GALNT10: variants seen among roughly 807,000 people sequenced by gnomAD.
The protein encoded by GALNT10 is GalNAc transferase 10.
In GALNT10, 41 loss-of-function variants were observed where a neutral mutation model predicts 75.0. That is an observed-to-expected ratio of 0.55 (90% CI 0.43 to 0.71). GALNT10 has a LOEUF of 0.71. Ranked by LOEUF, GALNT10 falls within the 30% of genes least tolerant of loss-of-function variation. The pLI is 0.00. For synonymous variants in GALNT10, 302 were observed against 313.0 expected (o/e 0.96, Z 0.37); for missense variants, 727 against 818.5 (o/e 0.89, Z 1.36).
chr5:154,328,030 A>C (rs932270159), intron 3 of GALNT10, among the ~76,000 whole-genome samples: 1 of 151,964 alleles, frequency 6.6e-6, no homozygotes, highest in African/African-American at 2.4e-5. Flanking sequence ...TGCAGACTGC[A>C]GGGACTCCTA....
chr5:154,231,399 G>A (rs1223125000), intron 1 of GALNT10, among the ~76,000 whole-genome samples: 1 of 152,158 alleles, frequency 6.6e-6, no homozygotes, highest in East Asian at 1.9e-4. Flanking sequence ...CAAGCCCATT[G>A]AATTCAGAAG....
At chr5:154,271,727 CTA>C (rs1753868659) in intron 1 of GALNT10, among the ~76,000 whole-genome samples, 1 of 152,190 alleles carries the variant, frequency 6.6e-6, no homozygotes, top group Admixed American at 6.5e-5. Flanking sequence ...CTTCAGGAAA[CTA>C]AAATGCACAC....
intron 1 of GALNT10, among the ~76,000 whole-genome samples, chr5:154,222,772 A>C (rs1753004046): frequency 6.6e-6 from 1 of 152,164 alleles, no homozygotes; most frequent in Non-Finnish European, 1.5e-5. Flanking sequence ...TATCTGTTAA[A>C]ATCTTTTGCC....
At chr5:154,219,089 G>T (rs1752928571) in intron 1 of GALNT10, among the ~76,000 whole-genome samples, 1 of 152,158 alleles carries the variant, frequency 6.6e-6, no homozygotes, top group Admixed American at 6.5e-5. Flanking sequence ...TGCTGCTCCG[G>T]CCTCTGACCG....
At chr5:154,339,341 A>C (rs1310741298) in intron 4 of GALNT10, among the ~76,000 whole-genome samples, 1 of 152,186 alleles carries the variant, frequency 6.6e-6, no homozygotes, top group Non-Finnish European at 1.5e-5. Context: ...TTGACATCCT[A>C]AACGCTTCTC....
At chr5:154,245,619 A>C (rs1753409694) in intron 1 of GALNT10, among the ~76,000 whole-genome samples, 2 of 151,956 alleles carry the variant, frequency 1.3e-5, no homozygotes, top group Admixed American at 6.6e-5. Context: ...TTCATATATT[A>C]ATACATTAAT....
chr5:154,307,394 G>C (rs554568657), intron 3 of GALNT10, among the ~76,000 whole-genome samples: 1 of 152,148 alleles, frequency 6.6e-6, no homozygotes, highest in Non-Finnish European at 1.5e-5. Flanking sequence ...GCCGAGGTGG[G>C]CAGATCACGA....
chr5:154,328,111 T>C (rs1754784181), intron 3 of GALNT10, among the ~76,000 whole-genome samples: 1 of 149,968 alleles, frequency 6.7e-6, no homozygotes, highest in Admixed American at 6.6e-5. Flanking sequence ...CAGAAGCTTA[T>C]GTATAAAAGA....
intron 4 of GALNT10, among the ~76,000 whole-genome samples, chr5:154,344,209 CTTTTTTTT>C (rs869306243): frequency 2.8e-5 from 1 of 35,510 alleles, no homozygotes; most frequent in African/African-American, 6.9e-5. Flanking sequence ...TTCTTTCTTT[CTTTTTTTT>C]TTTTTTTTGA....
chr5:154,204,771 C>G (rs1775081642), intron 1 of GALNT10, among the ~76,000 whole-genome samples: 1 of 152,232 alleles, frequency 6.6e-6, no homozygotes, highest in Non-Finnish European at 1.5e-5. Context: ...CTTTCCTACC[C>G]ACTCTGCGAC....
intron 2 of GALNT10, among the ~76,000 whole-genome samples, chr5:154,296,050 A>AG (rs1201012353): frequency 1.3e-5 from 2 of 152,120 alleles, no homozygotes; most frequent in Non-Finnish European, 2.9e-5. Context: ...GAAAATGAGA[A>AG]GGGGGAATGG....
At chr5:154,414,643 G>C (rs1284968798) in intron 10 of GALNT10, among the ~76,000 whole-genome samples, 1 of 151,564 alleles carries the variant, frequency 6.6e-6, no homozygotes, top group African/African-American at 2.4e-5. Flanking sequence ...GCGGGGTAAT[G>C]GTATGTTCAT....
At chr5:154,309,503 A>G (rs1192047517) in intron 3 of GALNT10, among the ~76,000 whole-genome samples, 1 of 152,192 alleles carries the variant, frequency 6.6e-6, no homozygotes, top group African/African-American at 2.4e-5. Context: ...AGTTAGGAGT[A>G]TGTTAACAGC....
intron 4 of GALNT10, among the ~76,000 whole-genome samples, chr5:154,362,789 C>T (rs1271489403): frequency 6.6e-6 from 1 of 152,122 alleles, no homozygotes. Flanking sequence ...ATGAGCTATC[C>T]CATTCTTTTG....
In GALNT10 at chr5:154,301,106, A is replaced by T. The variant is rs535342485; in HGVS notation, c.401+3027A>T. On this transcript the variant is annotated intron_variant, in intron 3 of 11. Coordinates refer to ENST00000297107, the MANE Select transcript of GALNT10 (RefSeq NM_198321.4). ...AAAAGAAACCTCTTTTTCATCGAAGAGTCCTGGGATCCACAGATGTGTCCC... is the reference window on the plus strand; with the variant it reads ...AAAAGAAACCTCTTTTTCATCGAAGTGTCCTGGGATCCACAGATGTGTCCC... 9.8e-5 allele frequency among the ~76,000 whole-genome samples: 15 copies of T among 152,358 alleles called. No homozygotes were observed. The East Asian group carries it at 2.5e-3, about 25-fold the overall frequency.
Position 154,206,885 on chromosome 5 carries a change from G to A in GALNT10, c.159+15860G>A, listed in dbSNP as rs145420993. On this transcript the variant is annotated intron_variant, in intron 1 of 11. Transcript: ENST00000297107. ...GGCTAGGCCTCAGAAAGGTAACTAC[G>A]GCAACGCAGGAGCCACAGGAGGCAG... 4.8e-3 allele frequency among the ~76,000 whole-genome samples: 738 copies of A among 152,322 alleles called. 12 individuals carry two copies. Among genetic ancestry groups the A allele is most frequent in the African/African-American group, 0.017 (709 of 41,560 alleles).
At chr5:154,213,791 A>C (rs1752818718) in intron 1 of GALNT10, among the ~76,000 whole-genome samples, 1 of 152,164 alleles carries the variant, frequency 6.6e-6, no homozygotes, top group Non-Finnish European at 1.5e-5. Context: ...TATGTTGCCC[A>C]GGCTGGTCTC....
chr5:154,221,502 T>C (rs1329533732), intron 1 of GALNT10, among the ~76,000 whole-genome samples: 1 of 152,236 alleles, frequency 6.6e-6, no homozygotes, highest in Non-Finnish European at 1.5e-5. Flanking sequence ...GCCGCTCCTA[T>C]TCCCCAAGGA....
chr5:154,380,269 G>C (rs140866110), intron 5 of GALNT10, among the ~76,000 whole-genome samples, 179 bp from the exon 6 acceptor site: 1 of 152,118 alleles, frequency 6.6e-6, no homozygotes, highest in South Asian at 2.1e-4. Context: ...AGAGTAAAAG[G>C]ACTGAGATGA....
Sources: gnomAD v4.1 joint callset for allele counts (sites outside exome capture counted in the v4.1 genomes callset) on GRCh38, gnomAD v4.1.1 for gene constraint, MANE v1.5 for transcripts, NCBI Gene and HGNC (gene_info 2026-07-23, HGNC 2026-07-21) for gene names.